The following GRM7 variants were observed in gnomAD, a reference collection of about 807,000 sequenced individuals.
The protein encoded by GRM7 is metabotropic glutamate receptor 7.
GRM7 carries 35 observed loss-of-function variants against 84.5 expected under a neutral mutation model. That is an observed-to-expected ratio of 0.41 (90% CI 0.32 to 0.55). The LOEUF (loss-of-function observed/expected upper bound fraction) is 0.55. Ranked by LOEUF, GRM7 falls within the 20% of genes least tolerant of loss-of-function variation. The pLI, the probability that GRM7 is intolerant of heterozygous loss-of-function variation, is 0.19. For missense variants in GRM7, 1,003 were observed against 1,194.6 expected (o/e 0.84, Z 2.36); for synonymous variants, 487 against 455.1 (o/e 1.07, Z -0.89).
chr3:7,136,775 C>T (rs906967379), intron 1 of GRM7, among the ~76,000 whole-genome samples: 4 of 152,050 alleles, frequency 2.6e-5, no homozygotes, highest in African/African-American at 9.7e-5. Context: ...CTATGCTGTT[C>T]CCAATAGAGT....
chr3:7,321,406 T>G (rs1173281889), intron 4 of GRM7, among the ~76,000 whole-genome samples: 1 of 152,044 alleles, frequency 6.6e-6, no homozygotes, highest in African/African-American at 2.4e-5. Context: ...ATATAGAAAC[T>G]AACCTCTGAC....
chr3:7,438,682 A>T (rs1697158053), intron 5 of GRM7, among the ~76,000 whole-genome samples: 1 of 152,014 alleles, frequency 6.6e-6, no homozygotes, highest in Admixed American at 6.6e-5. Flanking sequence ...AGCAACACCA[A>T]ACCACCCTCC....
intron 2 of GRM7, among the ~76,000 whole-genome samples, chr3:7,230,468 G>A (rs1019368698): frequency 6.6e-5 from 10 of 152,232 alleles, no homozygotes; most frequent in Non-Finnish European, 1.3e-4. Context: ...TTAGGAATAC[G>A]CCCATAACTG....
chr3:7,164,315 C>A (rs182307843), intron 2 of GRM7, among the ~76,000 whole-genome samples: 4 of 152,128 alleles, frequency 2.6e-5, no homozygotes, highest in African/African-American at 7.2e-5. Context: ...GCCAAGATCA[C>A]GCCACTGCAC....
At chr3:6,870,411 G>C (rs1695083573) in intron 1 of GRM7, among the ~76,000 whole-genome samples, 2 of 152,192 alleles carry the variant, frequency 1.3e-5, no homozygotes, top group Non-Finnish European at 2.9e-5. Context: ...GAATATTGTA[G>C]AGGCCATTGT....
chr3:6,931,965 T>C (rs1365173150), intron 1 of GRM7, among the ~76,000 whole-genome samples: 2 of 152,194 alleles, frequency 1.3e-5, no homozygotes, highest in Non-Finnish European at 2.9e-5. Context: ...ACAAAAGCAA[T>C]ACAGGCATAA....
At chr3:6,962,580 G>A (rs1184265443) in intron 1 of GRM7, among the ~76,000 whole-genome samples, 1 of 152,136 alleles carries the variant, frequency 6.6e-6, no homozygotes, top group Non-Finnish European at 1.5e-5. Flanking sequence ...GAATAATGAT[G>A]ACATATACTT....
chr3:7,393,735 T>G (rs1695094937), intron 4 of GRM7, among the ~76,000 whole-genome samples: 1 of 152,238 alleles, frequency 6.6e-6, no homozygotes, highest in African/African-American at 2.4e-5. Flanking sequence ...TCATCTCATT[T>G]ATTTCAGACT....
chr3:6,882,643 G>A (rs749497632), intron 1 of GRM7, among the ~76,000 whole-genome samples: 133 of 152,162 alleles, frequency 8.7e-4, no homozygotes, highest in East Asian at 4.6e-3. Context: ...TTGTTTGTGG[G>A]GGTACACACA....
At chr3:7,476,873 A>G (rs765731415) in intron 7 of GRM7, among the ~76,000 whole-genome samples, 1 of 152,180 alleles carries the variant, frequency 6.6e-6, no homozygotes, top group African/African-American at 2.4e-5. Flanking sequence ...CTGAAATGCA[A>G]TATTCCACCA....
At chr3:6,958,289 G>C (rs1175076470) in intron 1 of GRM7, among the ~76,000 whole-genome samples, 2 of 150,554 alleles carry the variant, frequency 1.3e-5, no homozygotes, top group African/African-American at 2.4e-5. Flanking sequence ...ATAATGGTTT[G>C]AGATACATCT....
intron 2 of GRM7, among the ~76,000 whole-genome samples, chr3:7,225,095 T>G (rs1023417182): frequency 1.3e-5 from 2 of 152,176 alleles, no homozygotes; most frequent in African/African-American, 4.8e-5. Context: ...GATTGTTTAC[T>G]CTCTTTGATG....
chr3:7,698,992 T>C (rs1575647378), intron 9 of GRM7, among the ~76,000 whole-genome samples: 2 of 152,154 alleles, frequency 1.3e-5, no homozygotes, highest in African/African-American at 4.8e-5. Context: ...CGGGAAGTAT[T>C]GTCAGAGACC....
chr3:7,726,412 A>G (rs1702128324), intron 9 of GRM7, among the ~76,000 whole-genome samples: 1 of 151,954 alleles, frequency 6.6e-6, no homozygotes, highest in Non-Finnish European at 1.5e-5. Flanking sequence ...TAGAAAATGT[A>G]GCTTAAAAAG....
At chr3:7,042,008 C>A (rs1259053218) in intron 1 of GRM7, among the ~76,000 whole-genome samples, 1 of 152,152 alleles carries the variant, frequency 6.6e-6, no homozygotes, top group Non-Finnish European at 1.5e-5. Context: ...ATGGAGTCTC[C>A]TGAAGGGTGG....
chr3:7,206,915 T>C (rs927300469), intron 2 of GRM7, among the ~76,000 whole-genome samples: 11 of 152,052 alleles, frequency 7.2e-5, no homozygotes, highest in Non-Finnish European at 1.5e-5. Flanking sequence ...GTGGATGGAG[T>C]GTCAGAGAAG....
chr3:7,478,221 T>G (rs1698998185), intron 7 of GRM7, among the ~76,000 whole-genome samples: 1 of 152,174 alleles, frequency 6.6e-6, no homozygotes, highest in African/African-American at 2.4e-5. Context: ...GTCTTTCTCA[T>G]GCCAACTGGA....
chr3:7,134,478 G>A lies in GRM7; in HGVS notation c.520-11974G>A, dbSNP rs182871255. Among the ~76,000 whole-genome samples the A allele has an allele frequency of 3.0e-4, 46 of 151,952 alleles. 1 individual carries two copies. In the East Asian group the frequency reaches 6.4e-3, roughly 21 times the overall value. On this transcript the variant is annotated intron_variant, in intron 1 of 9. Transcript: ENST00000357716. ...ATCATCAGTAACCATAGACTTATATGGTTTCCTCTCAGATATTTTATTTTA... is the reference window on the plus strand; with the variant it reads ...ATCATCAGTAACCATAGACTTATATAGTTTCCTCTCAGATATTTTATTTTA...
At chr3:7,550,575 C>CTGTGTG (rs1162246895) in intron 7 of GRM7, among the ~76,000 whole-genome samples, 4 of 40,648 alleles carry the variant, frequency 9.8e-5, no homozygotes, top group South Asian at 1.7e-3. Context: ...CTCTCTCTCT[C>CTGTGTG]TCTGTGTGTG....
Sources: allele counts gnomAD v4.1 joint callset (sites outside exome capture counted in the v4.1 genomes callset), GRCh38; gene constraint gnomAD v4.1.1; transcripts MANE v1.5; gene names NCBI Gene and HGNC (gene_info 2026-07-23, HGNC 2026-07-21).